ABCB1: variants seen among roughly 807,000 people sequenced by gnomAD.
ABCB1 encodes the protein ATP binding cassette subfamily B member 1.
A neutral mutation model predicts 142.0 loss-of-function variants in ABCB1; 69 were observed. That is an observed-to-expected ratio of 0.49 (90% CI 0.40 to 0.59). ABCB1 has a LOEUF of 0.59. Ranked by LOEUF, ABCB1 falls within the 20% of genes least tolerant of loss-of-function variation. The pLI is 0.00. For missense variants in ABCB1, 1,326 were observed against 1,554.7 expected (o/e 0.85, Z 2.47); for synonymous variants, 532 against 539.2 (o/e 0.99, Z 0.18).
At chr7:87,544,601 G>A (rs1054158359) in intron 16 of ABCB1, among the ~76,000 whole-genome samples, 1 of 152,082 alleles carries the variant, frequency 6.6e-6, no homozygotes, top group East Asian at 1.9e-4. Context: ...TTGAAGACCC[G>A]CTATAGTCTC....
At chr7:87,657,892 G>A (rs1824274082) in intron 1 of ABCB1, among the ~76,000 whole-genome samples, 1 of 152,032 alleles carries the variant, frequency 6.6e-6, no homozygotes, top group Non-Finnish European at 1.5e-5. Flanking sequence ...ATGAAGCAAT[G>A]CCCCCCTCCC....
chr7:87,562,731 T>C (rs562435187), intron 7 of ABCB1, among the ~76,000 whole-genome samples: 1 of 151,504 alleles, frequency 6.6e-6, no homozygotes, highest in African/African-American at 2.4e-5. Flanking sequence ...TCATTAAGTG[T>C]TGTGTTTTTC....
intron 25 of ABCB1, 108 bp downstream of exon 25, chr7:87,515,123 C>T: frequency 1.5e-6 from 2 of 1,374,030 alleles, no homozygotes; most frequent in Admixed American, 2.0e-5. Flanking sequence ...CCAAGTGGGA[C>T]TGTTGTTTAA....
intron 1 of ABCB1, among the ~76,000 whole-genome samples, chr7:87,706,745 G>C (rs1388062196): frequency 6.6e-6 from 1 of 152,184 alleles, no homozygotes; most frequent in African/African-American, 2.4e-5. Flanking sequence ...ACAGAAGTTG[G>C]AGCTTGGAAC....
intron 1 of ABCB1, among the ~76,000 whole-genome samples, chr7:87,673,390 A>G (rs753313419): frequency 6.6e-6 from 1 of 152,084 alleles, no homozygotes; most frequent in Non-Finnish European, 1.5e-5. Flanking sequence ...ACATAATCCC[A>G]TATTTCTCAG....
intron 9 of ABCB1, among the ~76,000 whole-genome samples, chr7:87,551,794 G>A (rs1387720828): frequency 6.6e-6 from 1 of 151,976 alleles, no homozygotes; most frequent in Admixed American, 6.5e-5. Context: ...AATTTCACAG[G>A]GCTAGAATAT....
chr7:87,576,303 C>T (rs1247214456), intron 4 of ABCB1, among the ~76,000 whole-genome samples: 1 of 151,356 alleles, frequency 6.6e-6, no homozygotes, highest in Non-Finnish European at 1.5e-5. Context: ...TTTTGTTTAT[C>T]TTTATATATC....
chr7:87,567,739 A>T (rs1388445142), intron 5 of ABCB1, among the ~76,000 whole-genome samples: 2 of 152,196 alleles, frequency 1.3e-5, no homozygotes, highest in African/African-American at 4.8e-5. Context: ...CTTAAAAAAC[A>T]GACCCTTAAT....
intron 4 of ABCB1, among the ~76,000 whole-genome samples, chr7:87,584,864 T>C (rs1184454027): frequency 6.6e-6 from 1 of 152,086 alleles, no homozygotes; most frequent in Non-Finnish European, 1.5e-5. Context: ...CCATCTTTCA[T>C]TCAAACATCA....
At chr7:87,618,088 T>C (rs1820086291) in intron 1 of ABCB1, among the ~76,000 whole-genome samples, 2 of 152,160 alleles carry the variant, frequency 1.3e-5, no homozygotes, top group African/African-American at 4.8e-5. Flanking sequence ...ATTACTTCCT[T>C]CCCTGGCACC....
chr7:87,638,055 T>G (rs1821981902), intron 1 of ABCB1, among the ~76,000 whole-genome samples: 1 of 152,142 alleles, frequency 6.6e-6, no homozygotes, highest in Non-Finnish European at 1.5e-5. Flanking sequence ...ATTATTGTAT[T>G]ATTAAATTTT....
In ABCB1 at chr7:87,648,184, C is replaced by CAA. The variant is rs138383809; in HGVS notation, c.-330-47108_-330-47107dup. Among the ~76,000 whole-genome samples, 103 of 65,426 alleles carry CAA rather than the reference C, an allele frequency of 1.6e-3. No homozygotes were observed. The East Asian group carries it at 0.017, about 11-fold the overall frequency. The allele number at this position is 65,426 out of a possible 152,430, so 42.9% of individuals were successfully genotyped here. ...TGGGTGACAGAGCGAGACTCTGTCTCAAAAAAAAAAAAAAAAAGAAAGAAA... is the reference window on the plus strand; with the variant it reads ...TGGGTGACAGAGCGAGACTCTGTCTCAAAAAAAAAAAAAAAAAAAGAAAGAAA... On this transcript the variant is annotated intron_variant, in intron 1 of 28. Coordinates refer to the ABCB1 transcript ENST00000265724.
chr7:87,544,519 A>C (rs1238498132), intron 16 of ABCB1, among the ~76,000 whole-genome samples: 1 of 152,148 alleles, frequency 6.6e-6, no homozygotes, highest in Non-Finnish European at 1.5e-5. Flanking sequence ...ACAAACACTT[A>C]CTTTTATTTG....
intron 1 of ABCB1, among the ~76,000 whole-genome samples, chr7:87,710,356 T>C (rs1481649888): frequency 6.6e-6 from 1 of 152,042 alleles, no homozygotes; most frequent in Non-Finnish European, 1.5e-5. Flanking sequence ...GAAAGTTAGT[T>C]TGACATGCTG....
chr7:87,553,665 G>T, intron 9 of ABCB1, 96 bp downstream of exon 9: 1 of 1,347,746 alleles, frequency 7.4e-7, no homozygotes, highest in Non-Finnish European at 1.0e-6. Flanking sequence ...GTATTCAACA[G>T]TTGTTCAAAA....
chr7:87,520,342 T>C (rs1261520713), intron 22 of ABCB1, among the ~76,000 whole-genome samples: 2 of 152,102 alleles, frequency 1.3e-5, no homozygotes, highest in African/African-American at 4.8e-5. Flanking sequence ...CTCACTGGGA[T>C]GACTGTATTA....
intron 1 of ABCB1, among the ~76,000 whole-genome samples, chr7:87,684,915 A>T (rs546972106): frequency 6.6e-6 from 1 of 152,282 alleles, no homozygotes; most frequent in African/African-American, 2.4e-5. Flanking sequence ...GTGTGCAAAA[A>T]AAAAGTGAAC....
At chr7:87,583,188 A>T (rs957299292) in intron 4 of ABCB1, among the ~76,000 whole-genome samples, 1 of 152,216 alleles carries the variant, frequency 6.6e-6, no homozygotes. Flanking sequence ...ACTTCTTATG[A>T]CTAGACTTTG....
At chr7:87,562,893 G>C (rs1251314823) in intron 7 of ABCB1, among the ~76,000 whole-genome samples, 1 of 151,948 alleles carries the variant, frequency 6.6e-6, no homozygotes, top group Non-Finnish European at 1.5e-5. Context: ...GAGGCCAAGA[G>C]TTCACGACCA....
Sources: allele counts gnomAD v4.1 joint callset (sites outside exome capture counted in the v4.1 genomes callset), GRCh38; gene constraint gnomAD v4.1.1; transcripts MANE v1.5; gene names NCBI Gene and HGNC (gene_info 2026-07-23, HGNC 2026-07-21).